PAPPA: variants seen among roughly 807,000 people sequenced by gnomAD.
The protein encoded by PAPPA is pappalysin-1.
A neutral mutation model predicts 164.0 loss-of-function variants in PAPPA; 60 were observed. The ratio of observed to expected loss-of-function variants is 0.37; its 90% confidence interval spans 0.30 to 0.45. The LOEUF is 0.45. Among genes scored for constraint, PAPPA ranks in the 20% least tolerant of loss-of-function variants. The pLI is 1.00. For synonymous variants in PAPPA, 875 were observed against 814.1 expected, an observed-to-expected ratio of 1.07 and a Z score of -1.27; for missense variants, 1,782 against 2,087.3, an observed-to-expected ratio of 0.85 and a Z score of 2.85.
At chr9:116,206,896 A>G (rs1844242297) in intron 2 of PAPPA, among the ~76,000 whole-genome samples, 1 of 152,184 alleles carries the variant, frequency 6.6e-6, no homozygotes, top group Non-Finnish European at 1.5e-5. Flanking sequence ...AATGCACCGT[A>G]CAGGGTACAG....
At chr9:116,374,856 C>T (rs552088168) in intron 19 of PAPPA, among the ~76,000 whole-genome samples, 1 of 152,364 alleles carries the variant, frequency 6.6e-6, no homozygotes, top group Non-Finnish European at 1.5e-5. Flanking sequence ...ATCCTCTTCA[C>T]CCAGCCCCAT....
intron 6 of PAPPA, among the ~76,000 whole-genome samples, chr9:116,230,006 A>G (rs1013599845): frequency 6.6e-6 from 1 of 152,304 alleles, no homozygotes; most frequent in East Asian, 1.9e-4. Flanking sequence ...TAGTTGGTGA[A>G]GTTTGCTCCT....
At chr9:116,341,898 G>A (rs937856607) in intron 13 of PAPPA, among the ~76,000 whole-genome samples, 2 of 152,216 alleles carry the variant, frequency 1.3e-5, no homozygotes, top group African/African-American at 4.8e-5. Flanking sequence ...ACTGATAAAT[G>A]GCAGAGCAGG....
chr9:116,349,244 G>A (rs1846250970), intron 15 of PAPPA, among the ~76,000 whole-genome samples: 1 of 151,926 alleles, frequency 6.6e-6, no homozygotes, highest in African/African-American at 2.4e-5. Context: ...ACAATATAGT[G>A]GCCAATATTC....
chr9:116,302,587 G>T (rs954579728), intron 9 of PAPPA, among the ~76,000 whole-genome samples, 170 bp from the exon 10 acceptor site: 2 of 152,140 alleles, frequency 1.3e-5, no homozygotes, highest in African/African-American at 4.8e-5. Context: ...GCAGATGACA[G>T]AATTTCCTTC....
At chr9:116,203,115 G>A (rs1454241308) in intron 2 of PAPPA, among the ~76,000 whole-genome samples, 2 of 152,142 alleles carry the variant, frequency 1.3e-5, no homozygotes, top group Non-Finnish European at 1.5e-5. Flanking sequence ...TCCTTCCCAT[G>A]ATTTGTTCTC....
At chr9:116,278,325 A>G (rs1187143223) in intron 9 of PAPPA, among the ~76,000 whole-genome samples, 4 of 152,228 alleles carry the variant, frequency 2.6e-5, no homozygotes, top group African/African-American at 7.2e-5. Context: ...CCAAAGTCAT[A>G]TAGCCAGGTA....
At chr9:116,356,689 G>A (rs1009068447) in intron 17 of PAPPA, among the ~76,000 whole-genome samples, 1 of 152,164 alleles carries the variant, frequency 6.6e-6, no homozygotes. Context: ...TATATCTGAG[G>A]ACTCTGTTCT....
Position 116,397,385 on chromosome 9 carries a change from CTTGAGGT to C in PAPPA, c.*770_*776del, listed in dbSNP as rs1846979171. On this transcript the variant is annotated 3_prime_UTR_variant, in exon 22 of 22. Transcript: ENST00000328252. ...TATTATATCAGCCCCTTGCTTGAGG[CTTGAGGT>C]CATAATATCCCTCTAGGACTTACCT... 1 of 152,688 alleles carries C rather than the reference CTTGAGGT, an allele frequency of 6.5e-6. No homozygotes were observed. The highest frequency in any genetic ancestry group is 1.5e-5 in the Non-Finnish European group (1 of 68,084). 9.5% of individuals were successfully genotyped at this position (152,688 alleles called of 1,614,324 possible).
intron 13 of PAPPA, 53 bp from the exon 14 acceptor site, chr9:116,344,490 C>A: frequency 6.4e-7 from 1 of 1,556,004 alleles, no homozygotes; most frequent in Non-Finnish European, 8.8e-7. Flanking sequence ...TCCAACTGAG[C>A]ATAGCTGTCC....
chr9:116,288,374 CAAAAAA>C (rs1251941658), intron 9 of PAPPA, among the ~76,000 whole-genome samples: 3 of 151,384 alleles, frequency 2.0e-5, no homozygotes, highest in Non-Finnish European at 2.9e-5. Context: ...GCCCAGGTGT[CAAAAAA>C]AGAAAAAGAG....
chr9:116,264,119 T>G (rs144357157), intron 7 of PAPPA, among the ~76,000 whole-genome samples: 43 of 152,304 alleles, frequency 2.8e-4, no homozygotes, highest in South Asian at 6.2e-4. Flanking sequence ...ATTTATCATG[T>G]AACTTTGTGT....
intron 2 of PAPPA, among the ~76,000 whole-genome samples, chr9:116,193,054 A>G (rs769721139): frequency 1.3e-5 from 2 of 151,894 alleles, no homozygotes; most frequent in Non-Finnish European, 2.9e-5. Context: ...TTCCCTATAC[A>G]CTGTTGTCTC....
At chr9:116,239,995 C>G (rs76787860) in intron 7 of PAPPA, among the ~76,000 whole-genome samples, 2 of 152,220 alleles carry the variant, frequency 1.3e-5, no homozygotes, top group South Asian at 4.1e-4. Flanking sequence ...ATCTTTTTCT[C>G]CACTTGGCTG....
At chr9:116,295,549 G>C (rs1845494708) in intron 9 of PAPPA, among the ~76,000 whole-genome samples, 1 of 79,904 alleles carries the variant, frequency 1.3e-5, no homozygotes, top group Non-Finnish European at 2.4e-5. Context: ...GCGAGACTCG[G>C]TCTCAAAAAA....
chr9:116,311,751 TACGTCTTGCGAG>T (rs1845720522), intron 10 of PAPPA, among the ~76,000 whole-genome samples: 1 of 152,224 alleles, frequency 6.6e-6, no homozygotes, highest in Admixed American at 6.5e-5. Context: ...AATACGTGGC[TACGTCTTGCGAG>T]GCATCTAATT....
Position 116,347,011 on chromosome 9 carries a change from G to A in PAPPA, c.3781-15G>A, listed in dbSNP as rs569423159. ...CAGTCTGCCACTCCTCACTATGCAC[G>A]ACTCTGCCTTTCAGACGGGACCCAG... On this transcript the variant is annotated splice_polypyrimidine_tract_variant and intron_variant, in intron 14 of 21. Transcript: ENST00000328252. The surrounding 1 kb of genome is among the most constrained non-coding windows in gnomAD (Gnocchi z 4.5). 1.7e-5 allele frequency: 27 copies of A among 1,604,732 alleles called. No homozygotes were observed. In the East Asian group the frequency reaches 3.4e-4, roughly 20 times the overall value.
intron 1 of PAPPA, among the ~76,000 whole-genome samples, chr9:116,160,350 C>T (rs575185451): frequency 6.6e-6 from 1 of 152,226 alleles, no homozygotes; most frequent in Admixed American, 6.5e-5. Flanking sequence ...CCATGGTGGT[C>T]CCCATCTTTA....
intron 13 of PAPPA, among the ~76,000 whole-genome samples, chr9:116,338,629 A>G (rs935653367): frequency 2.0e-5 from 3 of 152,186 alleles, no homozygotes; most frequent in African/African-American, 7.2e-5. Flanking sequence ...AACTTCCCCA[A>G]CCCACAAAGG....
Sources: allele counts gnomAD v4.1 joint callset (sites outside exome capture counted in the v4.1 genomes callset), GRCh38; gene constraint gnomAD v4.1.1; non-coding constraint Gnocchi (gnomAD v3.1); transcripts MANE v1.5; gene names NCBI Gene and HGNC (gene_info 2026-07-23, HGNC 2026-07-21).